The following UGT1A5 variants were observed in gnomAD, a reference collection of about 807,000 sequenced individuals.
UGT1A5 encodes UDP-glucuronosyltransferase 1A5.
A neutral mutation model predicts 40.3 loss-of-function variants in UGT1A5; 29 were observed. That is an observed-to-expected ratio of 0.72 (90% CI 0.54 to 0.98). The LOEUF is 0.98. Among genes scored for constraint, UGT1A5 ranks in the 50% least tolerant of loss-of-function variants. The probability of loss-of-function intolerance (pLI) is 0.00; values close to 1 mark genes in which losing one functional copy is unlikely to be tolerated. For synonymous variants in UGT1A5, 257 were observed against 262.5 expected (o/e 0.98, Z 0.20); for missense variants, 678 against 677.9 (o/e 1.00, Z 0.00).
chr2:233,724,133 G>C (rs1298685512), intron 1 of UGT1A5, among the ~76,000 whole-genome samples: 1 of 34,684 alleles, frequency 2.9e-5, no homozygotes, highest in East Asian at 6.1e-4. Flanking sequence ...CTCACCTCCC[G>C]GACGGGGCGG....
intron 3 of UGT1A5, 29 bp downstream of exon 3, chr2:233,767,965 C>T: frequency 3.1e-6 from 5 of 1,614,098 alleles, no homozygotes; most frequent in Non-Finnish European, 4.2e-6. Context: ...ATGTATAGGT[C>T]AAACCAGGGT....
At chr2:233,737,836 G>A (rs1690606098) in intron 1 of UGT1A5, among the ~76,000 whole-genome samples, 1 of 151,904 alleles carries the variant, frequency 6.6e-6, no homozygotes, top group African/African-American at 2.4e-5. Flanking sequence ...TGGGAACTGT[G>A]GCACAGGTCA....
In UGT1A5 at chr2:233,756,630, T is replaced by C. The variant is rs563087338; in HGVS notation, c.868-10404T>C. On this transcript the variant is annotated intron_variant, in intron 1 of 4. Transcript: ENST00000373414. ...CATTAAGACTTGCAGGCCGTGTGTA[T>C]AGCACTGGGGATAAACATGGGATGC... Among the ~76,000 whole-genome samples the C allele has an allele frequency of 2.1e-3, 314 of 152,296 alleles. 12 individuals carry two copies. In the South Asian group the frequency reaches 0.063, roughly 31 times the overall value.
In UGT1A5 at chr2:233,754,506, C is replaced by T. The variant is rs1695499420; in HGVS notation, c.868-12528C>T. 9 of 356,440 alleles carry T rather than the reference C, an allele frequency of 2.5e-5. 1 individual carries two copies. Among genetic ancestry groups the T allele is most frequent in the Middle Eastern group, 3.8e-4 (1 of 2,606 alleles). The allele number at this position is 356,440 out of a possible 1,614,324, so 22.1% of individuals were successfully genotyped here. ...TCAATCCTAAAAAAAGTCCGCTATT[C>T]CTCCAGATGTGCTTAAAGGCAAATG... On this transcript the variant is annotated intron_variant, in intron 1 of 4. Transcript: ENST00000373414.
chr2:233,742,429 C>T (rs1691973913), intron 1 of UGT1A5, among the ~76,000 whole-genome samples: 1 of 151,970 alleles, frequency 6.6e-6, no homozygotes, highest in Non-Finnish European at 1.5e-5. Flanking sequence ...AGCGGTTTTC[C>T]TCCCTGGGTG....
Position 233,772,885 on chromosome 2 carries a change from A to C in UGT1A5, c.*326A>C. ...GGCCTGTTTGGGAGTGCGGGATTCA[A>C]AGGTGGTCCCACGGCTGCCCCTACT... On this transcript the variant is annotated 3_prime_UTR_variant, in exon 5 of 5. Transcript: ENST00000373414. 1.8e-6 allele frequency: 1 copy of C among 555,428 alleles called. No individual in the cohort carries two copies. Among genetic ancestry groups the C allele is most frequent in the Non-Finnish European group, 2.8e-6 (1 of 357,440 alleles). The allele number at this position is 555,428 out of a possible 1,614,324, so 34.4% of individuals were successfully genotyped here.
chr2:233,750,287 A>AT (rs1158037876), intron 1 of UGT1A5, among the ~76,000 whole-genome samples: 1 of 151,952 alleles, frequency 6.6e-6, no homozygotes, highest in Non-Finnish European at 1.5e-5. Context: ...GACTGGTGGC[A>AT]TTTTGCCCCT....
chr2:233,738,966 A>C (rs185032908), intron 1 of UGT1A5: 1 of 152,340 alleles, frequency 6.6e-6, no homozygotes, highest in Non-Finnish European at 1.5e-5. Context: ...CCAGGCCCCC[A>C]CTGCTGTGTG....
chr2:233,771,764 G>GTCCCTCTCTCCT (rs1188840663), intron 4 of UGT1A5: 1 of 152,544 alleles, frequency 6.6e-6, no homozygotes, highest in East Asian at 1.9e-4. Context: ...TCCTTCCTCC[G>GTCCCTCTCTCCT]TCCCTCTCTC....
chr2:233,755,374 C>T (rs1205727870), intron 1 of UGT1A5: 2 of 355,400 alleles, frequency 5.6e-6, no homozygotes, highest in East Asian at 1.5e-4. Flanking sequence ...CCTGGAGGGC[C>T]GCCCCTTATG....
chr2:233,744,852 T>C (rs17864703), intron 1 of UGT1A5, among the ~76,000 whole-genome samples: 15 of 152,070 alleles, frequency 9.9e-5, no homozygotes, highest in Non-Finnish European at 1.3e-4. Flanking sequence ...AGAGTAGTCC[T>C]TGGTATTCTG....
chr2:233,719,393 C>T (rs759794462), intron 1 of UGT1A5: 2 of 1,613,946 alleles, frequency 1.2e-6, no homozygotes, highest in Non-Finnish European at 1.7e-6. Context: ...CAAATCCTTC[C>T]TCCTATATTC....
At chr2:233,729,310 A>G (rs771983234) in intron 1 of UGT1A5, 1 of 1,614,266 alleles carries the variant, frequency 6.2e-7, no homozygotes, top group Non-Finnish European at 8.5e-7. Flanking sequence ...AGTGGTCCTC[A>G]CCCCAGAGGT....
In UGT1A5 at chr2:233,772,906, C is replaced by G; in HGVS notation, c.*347C>G. ...TTCAAAGGTGGTCCCACGGCTGCCCCTACTGCAAATGGCAGTTTTAATCTT... is the reference window on the plus strand; with the variant it reads ...TTCAAAGGTGGTCCCACGGCTGCCCGTACTGCAAATGGCAGTTTTAATCTT... On this transcript the variant is annotated 3_prime_UTR_variant, in exon 5 of 5. Coordinates refer to ENST00000373414, the MANE Select transcript of UGT1A5 (RefSeq NM_019078.2). 1 of 412,406 alleles carries G rather than the reference C, an allele frequency of 2.4e-6. No homozygotes were observed. The highest frequency in any genetic ancestry group is 2.8e-5 in the South Asian group (1 of 36,156). The allele number at this position is 412,406 out of a possible 1,614,324, so 25.5% of individuals were successfully genotyped here. A position where few individuals can be genotyped will look rare whatever the true frequency, so the allele number is the denominator to read the frequency against.
At chr2:233,731,482 G>C (rs562723642) in intron 1 of UGT1A5, among the ~76,000 whole-genome samples, 2 of 152,088 alleles carry the variant, frequency 1.3e-5, no homozygotes, top group Non-Finnish European at 2.9e-5. Flanking sequence ...TCCCTGGCCT[G>C]TGTCCAGTGT....
At chr2:233,714,222 C>T (rs2076374156) in intron 1 of UGT1A5, among the ~76,000 whole-genome samples, 1 of 152,096 alleles carries the variant, frequency 6.6e-6, no homozygotes, top group East Asian at 1.9e-4. Flanking sequence ...ATCTTGCTGG[C>T]AAGATTTTCA....
intron 1 of UGT1A5, among the ~76,000 whole-genome samples, chr2:233,766,371 C>T (rs997095711): frequency 1.3e-5 from 2 of 152,154 alleles, no homozygotes; most frequent in Non-Finnish European, 2.9e-5. Context: ...TTGGTGAGTT[C>T]TTCTCAATGT....
At chr2:233,747,966 G>C in intron 1 of UGT1A5, 17 of 1,613,448 alleles carry the variant, frequency 1.1e-5, no homozygotes, top group Non-Finnish European at 1.4e-5. Context: ...TCTCAGCCAT[G>C]CATCTGTGTG....
rs548391374 is a variant in UGT1A5 at position 233,743,280 on chromosome 2, T to C, written c.868-23754T>C. The C allele has an allele frequency of 1.0e-5, 5 of 493,342 alleles. No homozygotes were observed. In the East Asian group the frequency reaches 3.5e-4, roughly 34 times the overall value. The allele number at this position is 493,342 out of a possible 1,614,324, so 30.6% of individuals were successfully genotyped here. The stretch of plus-strand genomic sequence containing the variant: ...CATCTTCCTCCACTTCCACCCTTTC[T>C]TGGCCATTCTCAATGATTCTCTTGG... On this transcript the variant is annotated intron_variant, in intron 1 of 4. Coordinates refer to ENST00000373414, the MANE Select transcript of UGT1A5 (RefSeq NM_019078.2).
Sources: gnomAD v4.1 joint callset for allele counts (sites outside exome capture counted in the v4.1 genomes callset) on GRCh38, gnomAD v4.1.1 for gene constraint, MANE v1.5 for transcripts, NCBI Gene and HGNC (gene_info 2026-07-23, HGNC 2026-07-21) for gene names.